Variants in PTPRG observed in about 807,000 individuals in gnomAD.
PTPRG encodes receptor-type tyrosine-protein phosphatase gamma.
PTPRG carries 102 observed loss-of-function variants against 165.3 expected under a neutral mutation model. The observed-to-expected ratio is 0.62, with a 90% CI of 0.53 to 0.73. The LOEUF (loss-of-function observed/expected upper bound fraction) is 0.73, where lower values mean the gene tolerates loss of function less well. PTPRG is among the 30% of genes least tolerant of loss of function. The pLI, the probability that PTPRG is intolerant of heterozygous loss-of-function variation, is 0.00. For missense variants in PTPRG, 1,866 were observed against 1,861.4 expected, an observed-to-expected ratio of 1.00 and a Z score of -0.05; for synonymous variants, 675 against 669.5, an observed-to-expected ratio of 1.01 and a Z score of -0.13.
chr3:61,991,552 T>G (rs1385671120), intron 3 of PTPRG, among the ~76,000 whole-genome samples: 1 of 152,224 alleles, frequency 6.6e-6, no homozygotes, highest in Non-Finnish European at 1.5e-5. Flanking sequence ...CAGCACAGAT[T>G]GTGTGCTTAT....
rs975333309 is a variant in PTPRG at position 62,233,536 on chromosome 3, G to A, written c.2375+2225G>A. The stretch of plus-strand genomic sequence containing the variant: ...CTCTCACCTTTGCCTTTTTCATTCC[G>A]CTCTCATTTTCTTTCCTGGCTTGTA... On this transcript the variant is annotated intron_variant, in intron 14 of 29. Coordinates refer to ENST00000474889, the MANE Select transcript of PTPRG (RefSeq NM_002841.4). This position sits in a 1 kb window ranked among gnomAD's most constrained non-coding sequence, Gnocchi z 4.7. 6.6e-6 allele frequency among the ~76,000 whole-genome samples: 1 copy of A among 152,034 alleles called. No individual in the cohort carries two copies. Among genetic ancestry groups the A allele is most frequent in the African/African-American group, 2.4e-5 (1 of 41,392 alleles).
At chr3:61,684,163 A>G (rs1307152366) in intron 1 of PTPRG, among the ~76,000 whole-genome samples, 2 of 152,128 alleles carry the variant, frequency 1.3e-5, no homozygotes, top group African/African-American at 4.8e-5. Context: ...GCTCCAACAG[A>G]AGTTTTGCCT....
At chr3:61,613,494 T>G (rs2106878412) in intron 1 of PTPRG, among the ~76,000 whole-genome samples, 1 of 152,336 alleles carries the variant, frequency 6.6e-6, no homozygotes, top group South Asian at 2.1e-4. Context: ...AAGGATGTGT[T>G]GAGTCAAATG....
intron 4 of PTPRG, among the ~76,000 whole-genome samples, chr3:62,026,209 G>A (rs1162445604): frequency 1.3e-5 from 2 of 152,190 alleles, no homozygotes; most frequent in Non-Finnish European, 2.9e-5. Flanking sequence ...GATGATGACT[G>A]TATTAAATGT....
At chr3:61,639,216 A>G (rs1235024575) in intron 1 of PTPRG, among the ~76,000 whole-genome samples, 1 of 152,120 alleles carries the variant, frequency 6.6e-6, no homozygotes, top group African/African-American at 2.4e-5. Context: ...TCAGATGGCT[A>G]TCAATGTATG....
chr3:62,178,863 G>A (rs1705540581), intron 8 of PTPRG, among the ~76,000 whole-genome samples: 1 of 152,168 alleles, frequency 6.6e-6, no homozygotes, highest in African/African-American at 2.4e-5. Flanking sequence ...ACTTGTGTGG[G>A]CACCATGGTG....
intron 2 of PTPRG, among the ~76,000 whole-genome samples, chr3:61,799,022 T>TA (rs201527643): frequency 1.3e-5 from 2 of 151,960 alleles, no homozygotes; most frequent in Admixed American, 6.6e-5. Context: ...ACATAAACAT[T>TA]AAAAATTTTT....
intron 29 of PTPRG, among the ~76,000 whole-genome samples, 198 bp from the exon 30 acceptor site, chr3:62,292,963 C>A (rs1181665566): frequency 6.6e-6 from 1 of 152,064 alleles, no homozygotes; most frequent in African/African-American, 2.4e-5. Flanking sequence ...TAACAGAGAT[C>A]AAAAGGACAT....
chr3:61,564,347 C>T (rs538693722), intron 1 of PTPRG, among the ~76,000 whole-genome samples: 5 of 152,216 alleles, frequency 3.3e-5, no homozygotes, highest in African/African-American at 1.2e-4. Flanking sequence ...CACTTCTGTC[C>T]TTCTTGCGCT....
intron 6 of PTPRG, among the ~76,000 whole-genome samples, chr3:62,139,455 T>C (rs984212366): frequency 4.6e-5 from 7 of 151,640 alleles, no homozygotes; most frequent in Non-Finnish European, 1.0e-4. Flanking sequence ...GGAGACTCTG[T>C]CCCCCCTTCC....
chr3:61,976,779 A>G (rs898544400), intron 2 of PTPRG, among the ~76,000 whole-genome samples: 4 of 151,804 alleles, frequency 2.6e-5, no homozygotes, highest in East Asian at 1.9e-4. Flanking sequence ...GGTTCAAGCA[A>G]TTTTCCTTGC....
At chr3:62,000,462 ACATCCAGAGAGAGAAG>A (rs1004301208) in intron 3 of PTPRG, among the ~76,000 whole-genome samples, 7 of 152,292 alleles carry the variant, frequency 4.6e-5, no homozygotes, top group African/African-American at 7.2e-5. Context: ...GTGGGAAAAG[ACATCCAGAGAGAGAAG>A]CATCCAGAGA....
At chr3:62,162,832 T>A (rs1284170933) in intron 7 of PTPRG, among the ~76,000 whole-genome samples, 1 of 152,058 alleles carries the variant, frequency 6.6e-6, no homozygotes, top group African/African-American at 2.4e-5. Context: ...CAAAATAGAG[T>A]CACACAGACC....
At chr3:62,191,146 G>T (rs113610674) in intron 8 of PTPRG, among the ~76,000 whole-genome samples, 3 of 150,930 alleles carry the variant, frequency 2.0e-5, no homozygotes, top group Non-Finnish European at 4.4e-5. Flanking sequence ...TCTGTGTCCC[G>T]TGCACGTGTG....
At chr3:61,986,792 T>G (rs949233046) in intron 2 of PTPRG, among the ~76,000 whole-genome samples, 2 of 152,208 alleles carry the variant, frequency 1.3e-5, no homozygotes, top group African/African-American at 4.8e-5. Context: ...AAGAGGAAAC[T>G]AAAGTGCAAG....
In PTPRG at chr3:62,233,142, T is replaced by C. The variant is rs1326080460; in HGVS notation, c.2375+1831T>C. ...AAGTTGTCACTTGGCTAAGCCACCC[T>C]GCCTAAGTGGTTGCCTTGGGACTCC... On this transcript the variant is annotated intron_variant, in intron 14 of 29. Transcript: ENST00000474889. This position sits in a 1 kb window ranked among gnomAD's most constrained non-coding sequence, Gnocchi z 4.7. Among the ~76,000 whole-genome samples, 2 of 152,200 alleles carry C rather than the reference T, an allele frequency of 1.3e-5. No individual in the cohort carries two copies. Among genetic ancestry groups the C allele is most frequent in the Non-Finnish European group, 2.9e-5 (2 of 68,026 alleles).
chr3:61,824,445 C>T (rs2036049847), intron 2 of PTPRG, among the ~76,000 whole-genome samples: 2 of 152,344 alleles, frequency 1.3e-5, no homozygotes, highest in East Asian at 1.9e-4. Flanking sequence ...AACTTTACAT[C>T]TAAGAGGCCT....
At chr3:61,610,647 A>G (rs929020025) in intron 1 of PTPRG, among the ~76,000 whole-genome samples, 1 of 152,154 alleles carries the variant, frequency 6.6e-6, no homozygotes, top group African/African-American at 2.4e-5. Flanking sequence ...TAATAAGACA[A>G]ATATTCCTCT....
intron 1 of PTPRG, among the ~76,000 whole-genome samples, chr3:61,617,130 G>A (rs972862142): frequency 1.3e-5 from 2 of 152,198 alleles, no homozygotes; most frequent in African/African-American, 4.8e-5. Context: ...GCTACCAACT[G>A]AAACAAGTCA....
Sources: gnomAD v4.1 joint callset for allele counts (sites outside exome capture counted in the v4.1 genomes callset) on GRCh38, gnomAD v4.1.1 for gene constraint, Gnocchi (gnomAD v3.1) non-coding constraint, MANE v1.5 for transcripts, NCBI Gene and HGNC (gene_info 2026-07-23, HGNC 2026-07-21) for gene names.